Variants in USP6NL observed in about 807,000 individuals in gnomAD.
USP6NL encodes USP6 N-terminal-like protein.
USP6NL carries 26 observed loss-of-function variants against 61.9 expected under a neutral mutation model. The observed-to-expected ratio is 0.42, with a 90% CI of 0.31 to 0.58. The LOEUF (loss-of-function observed/expected upper bound fraction) is 0.58, where lower values mean the gene tolerates loss of function less well. Among genes scored for constraint, USP6NL ranks in the 20% least tolerant of loss-of-function variants. The pLI, the probability that USP6NL is intolerant of heterozygous loss-of-function variation, is 0.16. For missense variants in USP6NL, 1,114 were observed against 1,034.3 expected (o/e 1.08, Z -1.06); for synonymous variants, 432 against 390.1 (o/e 1.11, Z -1.27).
At chr10:11,609,982 T>C (rs1339525258) in intron 1 of USP6NL, among the ~76,000 whole-genome samples, 1 of 152,166 alleles carries the variant, frequency 6.6e-6, no homozygotes, top group Admixed American at 6.5e-5. Flanking sequence ...AAAAACTAAG[T>C]AGGCACCAAA....
At chr10:11,545,370 T>C (rs1022754615) in intron 2 of USP6NL, among the ~76,000 whole-genome samples, 2 of 152,210 alleles carry the variant, frequency 1.3e-5, no homozygotes, top group Non-Finnish European at 1.5e-5. Flanking sequence ...ACTTCTCTCC[T>C]GTGGCCAAAA....
chr10:11,560,945 T>C (rs1388131932), intron 2 of USP6NL, among the ~76,000 whole-genome samples: 2 of 151,780 alleles, frequency 1.3e-5, no homozygotes, highest in Non-Finnish European at 2.9e-5. Context: ...ACACTAATAA[T>C]GTACAAGAAG....
rs1387430151 is a variant in USP6NL at position 11,470,505 on chromosome 10, A to G, written c.1079-6656T>C. Among the ~76,000 whole-genome samples the G allele has an allele frequency of 1.3e-5, 2 of 152,198 alleles. No individual in the cohort carries two copies. Among genetic ancestry groups the G allele is most frequent in the East Asian group, 3.8e-4 (2 of 5,196 alleles). On this transcript the variant is annotated intron_variant, in intron 14 of 14. Transcript: ENST00000609104. The surrounding 1 kb of genome is among the most constrained non-coding windows in gnomAD (Gnocchi z 5.4). ...CCCTGTAAGAAGGACGAATGCCATC[A>G]CCAGTAACATTTTTATATGCCAATT... is the stretch of plus-strand genomic sequence containing the variant.
chr10:11,466,335 C>A (rs971698250), intron 14 of USP6NL, among the ~76,000 whole-genome samples: 2 of 152,148 alleles, frequency 1.3e-5, no homozygotes, highest in African/African-American at 2.4e-5. Context: ...AGCTATCTGG[C>A]GGTCACACTG....
At chr10:11,475,345 C>T (rs939389102) in intron 14 of USP6NL, among the ~76,000 whole-genome samples, 27 of 150,518 alleles carry the variant, frequency 1.8e-4, no homozygotes, top group African/African-American at 6.3e-4. Flanking sequence ...CGGTGGCTCA[C>T]GCCTGTAATC....
intron 6 of USP6NL, among the ~76,000 whole-genome samples, chr10:11,508,390 T>A (rs1834549139): frequency 6.6e-6 from 1 of 152,214 alleles, no homozygotes; most frequent in Non-Finnish European, 1.5e-5. Context: ...ATATGGCCCA[T>A]GAAACCAAAA....
intron 2 of USP6NL, among the ~76,000 whole-genome samples, chr10:11,588,328 T>C (rs1401013573): frequency 6.6e-6 from 1 of 152,246 alleles, no homozygotes; most frequent in Admixed American, 6.5e-5. Flanking sequence ...GGATCATATA[T>C]TAGATAAGTC....
rs1412575565 is a variant in USP6NL at position 11,598,005 on chromosome 10, C to T, written c.-83-288G>A. On this transcript the variant is annotated intron_variant, in intron 1 of 14. Transcript: ENST00000609104. This position sits in a 1 kb window ranked among gnomAD's most constrained non-coding sequence, Gnocchi z 4.7. The stretch of plus-strand genomic sequence containing the variant: ...TGTCCTTCGTCTTCAACACTAAAAA[C>T]ATTTCTTCCCCATTCCCAGCTAAGA... Among the ~76,000 whole-genome samples, 2 of 152,196 alleles carry T rather than the reference C, an allele frequency of 1.3e-5. No homozygotes were observed. Among genetic ancestry groups the T allele is most frequent in the African/African-American group, 2.4e-5 (1 of 41,448 alleles).
rs1245985876 is a variant in USP6NL, at chr10:11,489,002, T to C, written c.664+100A>G. The C allele has an allele frequency of 4.7e-6, 7 of 1,492,898 alleles. No individual in the cohort carries two copies. The highest frequency in any genetic ancestry group is 1.4e-5 in the South Asian group (1 of 73,810). The allele number at this position is 1,492,898 out of a possible 1,614,324, so 92.5% of individuals were successfully genotyped here. ...ATGAACTCAACGAGCCCTGAGACAT[T>C]AAATTTGCTGTATGTAACTCTTGCA... is the stretch of plus-strand genomic sequence containing the variant. On this transcript the variant is annotated intron_variant, in intron 10 of 14. Coordinates refer to ENST00000609104, the MANE Select transcript of USP6NL (RefSeq NM_014688.5). The surrounding 1 kb of genome is among the most constrained non-coding windows in gnomAD (Gnocchi z 5.7).
chr10:11,597,020 TC>T lies in USP6NL; in HGVS notation c.4+610del, dbSNP rs1269308506. Among the ~76,000 whole-genome samples the T allele has an allele frequency of 3.3e-5, 5 of 152,120 alleles. No individual in the cohort carries two copies. The highest frequency in any genetic ancestry group is 6.5e-5 in the Admixed American group (1 of 15,278). On this transcript the variant is annotated intron_variant, in intron 2 of 14. Coordinates refer to ENST00000609104, the MANE Select transcript of USP6NL (RefSeq NM_014688.5). This position sits in a 1 kb window ranked among gnomAD's most constrained non-coding sequence, Gnocchi z 4.6. ...ATCCCAGTTAGGGTAAAATCTCAAT[TC>T]TTTTCCCACCCTCTAAAAAGAAACA...
chr10:11,519,375 A>T (rs141335557), intron 4 of USP6NL, among the ~76,000 whole-genome samples: 39 of 152,342 alleles, frequency 2.6e-4, no homozygotes, highest in African/African-American at 9.4e-4. Flanking sequence ...CACGCCTGTA[A>T]TCCCAACACT....
chr10:11,536,224 T>C (rs1440102633), intron 2 of USP6NL, among the ~76,000 whole-genome samples: 7 of 152,206 alleles, frequency 4.6e-5, no homozygotes, highest in Non-Finnish European at 1.5e-5. Context: ...GGTGGTCCTG[T>C]AGGAAGAACT....
intron 2 of USP6NL, among the ~76,000 whole-genome samples, chr10:11,568,148 G>GT (rs1232296457): frequency 1.1e-4 from 13 of 122,814 alleles, no homozygotes; most frequent in Non-Finnish European, 1.9e-4. Flanking sequence ...TCGGGAGGTA[G>GT]TTGTGTGTGT....
chr10:11,583,672 A>C (rs1412279255), intron 2 of USP6NL, among the ~76,000 whole-genome samples: 1 of 152,222 alleles, frequency 6.6e-6, no homozygotes. Flanking sequence ...CAGAGCATTC[A>C]ACCAACCTGG....
Position 11,540,594 on chromosome 10 carries a change from GA to G in USP6NL, c.5-13028del, listed in dbSNP as rs1349117185. ...GAATTTGGCCCATAGGTATTAACAA[GA>G]AATGTTCTAATTACAGCAAATTCTT... On this transcript the variant is annotated intron_variant, in intron 2 of 14. Transcript: ENST00000609104. The surrounding 1 kb of genome is among the most constrained non-coding windows in gnomAD (Gnocchi z 5.0). 6.6e-6 allele frequency among the ~76,000 whole-genome samples: 1 copy of G among 152,160 alleles called. No homozygotes were observed. Among genetic ancestry groups the G allele is most frequent in the Non-Finnish European group, 1.5e-5 (1 of 68,008 alleles).
intron 7 of USP6NL, among the ~76,000 whole-genome samples, chr10:11,500,501 C>CA (rs1286715636): frequency 2.0e-5 from 3 of 151,730 alleles, no homozygotes; most frequent in Non-Finnish European, 2.9e-5. Context: ...AATTTAGGTT[C>CA]AGAAAGGGTA....
chr10:11,604,829 AAAT>A (rs1020273540), intron 1 of USP6NL, among the ~76,000 whole-genome samples: 14 of 152,308 alleles, frequency 9.2e-5, no homozygotes, highest in African/African-American at 3.1e-4. Context: ...CCTAAGAGAT[AAAT>A]AATAACTAAT....
chr10:11,531,375 T>G (rs1410323898), intron 2 of USP6NL, among the ~76,000 whole-genome samples: 1 of 152,084 alleles, frequency 6.6e-6, no homozygotes, highest in Non-Finnish European at 1.5e-5. Context: ...CAGGCTGGAG[T>G]GCAGTGGTAT....
chr10:11,466,190 C>T (rs1000587349), intron 14 of USP6NL, among the ~76,000 whole-genome samples: 3 of 152,196 alleles, frequency 2.0e-5, no homozygotes, highest in African/African-American at 7.2e-5. Context: ...TCAGCTATCA[C>T]TATTTATTGA....
Sources: allele counts gnomAD v4.1 joint callset (sites outside exome capture counted in the v4.1 genomes callset), GRCh38; gene constraint gnomAD v4.1.1; non-coding constraint Gnocchi (gnomAD v3.1); transcripts MANE v1.5; gene names NCBI Gene and HGNC (gene_info 2026-07-23, HGNC 2026-07-21).